Variants in BMPR1B observed in about 807,000 individuals in gnomAD.
BMPR1B encodes the protein bone morphogenetic protein receptor type 1B.
Under a neutral mutation model 59.1 loss-of-function variants are expected in BMPR1B, and 12 were observed. The observed-to-expected ratio is 0.20, with a 90% CI of 0.13 to 0.33. The LOEUF is 0.33. Ranked by LOEUF, BMPR1B falls within the 10% of genes least tolerant of loss-of-function variation. The pLI is 1.00. For missense variants in BMPR1B, 550 were observed against 610.9 expected (o/e 0.90, Z 1.05); for synonymous variants, 237 against 207.3 (o/e 1.14, Z -1.23).
At chr4:95,084,858 G>C (rs752359435) in intron 3 of BMPR1B, among the ~76,000 whole-genome samples, 2 of 152,156 alleles carry the variant, frequency 1.3e-5, no homozygotes, top group Non-Finnish European at 1.5e-5. Context: ...AATCATCACT[G>C]TGCTGGTTTT....
intron 3 of BMPR1B, among the ~76,000 whole-genome samples, chr4:95,068,265 C>A (rs999749507): frequency 6.6e-6 from 1 of 152,152 alleles, no homozygotes; most frequent in African/African-American, 2.4e-5. Context: ...CAGTTCCATC[C>A]TTATAGTTAA....
chr4:94,911,785 G>T (rs1377514556), intron 2 of BMPR1B, among the ~76,000 whole-genome samples: 1 of 152,104 alleles, frequency 6.6e-6, no homozygotes, highest in Non-Finnish European at 1.5e-5. Context: ...AGTAATGGTG[G>T]CTCCCCATGG....
intron 3 of BMPR1B, among the ~76,000 whole-genome samples, chr4:95,078,343 T>C (rs1229839237): frequency 6.6e-6 from 1 of 152,212 alleles, no homozygotes; most frequent in Non-Finnish European, 1.5e-5. Flanking sequence ...TATATGCAGT[T>C]GCAGTGAAAC....
intron 1 of BMPR1B, among the ~76,000 whole-genome samples, chr4:94,857,582 C>T (rs1411526567): frequency 6.6e-6 from 1 of 152,104 alleles, no homozygotes; most frequent in African/African-American, 2.4e-5. Flanking sequence ...ATTTCCCAAG[C>T]TAGAAGCTAA....
In BMPR1B at chr4:94,783,837, C is replaced by A. The variant is rs28712832; in HGVS notation, c.-183+25769C>A. Among the ~76,000 whole-genome samples the A allele has an allele frequency of 7.5e-3, 1,142 of 152,198 alleles. 15 individuals carry two copies. Among genetic ancestry groups the A allele is most frequent in the African/African-American group, 0.026 (1,094 of 41,514 alleles). ...TGGCCATGCTCACCAGGAATGTAGCCGTTGTAGTTTAGAGCTGGGGGGATG... is the reference window on the plus strand; with the variant it reads ...TGGCCATGCTCACCAGGAATGTAGCAGTTGTAGTTTAGAGCTGGGGGGATG... On this transcript the variant is annotated intron_variant, in intron 1 of 12. Transcript: ENST00000515059.
rs1338754653 is a variant in BMPR1B, at chr4:95,157,590, T to C, written c.*2917T>C. The stretch of plus-strand genomic sequence containing the variant: ...TAGATAAGTTTTGTATGCTAAGATA[T>C]TCAGGTTTATAGTTTATGTATGTGT... On this transcript the variant is annotated 3_prime_UTR_variant, in exon 13 of 13. Coordinates refer to ENST00000515059, the MANE Select transcript of BMPR1B (RefSeq NM_001203.3). 1.3e-5 allele frequency: 2 copies of C among 151,612 alleles called. No individual in the cohort carries two copies. Among genetic ancestry groups the C allele is most frequent in the African/African-American group, 4.8e-5 (2 of 41,356 alleles). 9.4% of individuals were successfully genotyped at this position (151,612 alleles called of 1,614,324 possible). A position where few individuals can be genotyped will look rare whatever the true frequency, so the allele number is the denominator to read the frequency against.
intron 2 of BMPR1B, among the ~76,000 whole-genome samples, chr4:94,983,982 A>T (rs1387299809): frequency 6.6e-6 from 1 of 152,238 alleles, no homozygotes; most frequent in Non-Finnish European, 1.5e-5. Flanking sequence ...CATGAGAAGG[A>T]TTAGAACTGC....
chr4:94,957,333 GTTTTTTTTTTTTTTTTT>G (rs56341742), intron 2 of BMPR1B, among the ~76,000 whole-genome samples: 6 of 65,662 alleles, frequency 9.1e-5, no homozygotes, highest in East Asian at 6.0e-4. Context: ...CCTGTTTCGT[GTTTTTTTTTTTTTTTTT>G]TTTTTTTTTT....
intron 1 of BMPR1B, among the ~76,000 whole-genome samples, chr4:94,760,107 C>T (rs957944228): frequency 1.3e-5 from 2 of 152,114 alleles, no homozygotes; most frequent in Admixed American, 6.5e-5. Context: ...TTTAATGGCA[C>T]TGATTTGTGT....
chr4:95,036,924 C>T (rs1344143774), intron 3 of BMPR1B, among the ~76,000 whole-genome samples: 2 of 152,086 alleles, frequency 1.3e-5, no homozygotes, highest in Non-Finnish European at 2.9e-5. Flanking sequence ...ACGTTGTCAA[C>T]CCTAGATCTG....
intron 3 of BMPR1B, among the ~76,000 whole-genome samples, chr4:95,036,157 T>C (rs1175621207): frequency 6.6e-6 from 1 of 152,134 alleles, no homozygotes; most frequent in Non-Finnish European, 1.5e-5. Flanking sequence ...TATTTTGATA[T>C]AGACATACAA....
chr4:95,102,291 C>T (rs757344574), intron 3 of BMPR1B, among the ~76,000 whole-genome samples: 9 of 152,182 alleles, frequency 5.9e-5, no homozygotes, highest in Non-Finnish European at 1.2e-4. Context: ...CTACTTTAGA[C>T]CATTTGGTGT....
chr4:94,768,378 C>CA (rs1223682922), intron 1 of BMPR1B, among the ~76,000 whole-genome samples: 2 of 150,684 alleles, frequency 1.3e-5, no homozygotes, highest in African/African-American at 4.9e-5. Context: ...ACAACAACAA[C>CA]AAAAAACCTC....
At chr4:95,152,883 T>C in intron 12 of BMPR1B, 110 bp downstream of exon 12, 1 of 1,352,862 alleles carries the variant, frequency 7.4e-7, no homozygotes, top group Non-Finnish European at 1.0e-6. Context: ...TTGATGGTGA[T>C]GGTGATGGCG....
At chr4:94,887,854 T>C (rs1294308483) in intron 2 of BMPR1B, among the ~76,000 whole-genome samples, 2 of 151,738 alleles carry the variant, frequency 1.3e-5, no homozygotes, top group Non-Finnish European at 2.9e-5. Flanking sequence ...TCCAAGAAAA[T>C]TTTTCAGAAA....
intron 8 of BMPR1B, 132 bp from the exon 9 acceptor site, chr4:95,129,730 G>A (rs1468224351): frequency 5.1e-6 from 4 of 790,074 alleles, no homozygotes; most frequent in African/African-American, 3.5e-5. Flanking sequence ...ATACAAATAA[G>A]TTGTCTATAT....
intron 11 of BMPR1B, among the ~76,000 whole-genome samples, chr4:95,151,031 A>T (rs1735001393): frequency 1.3e-5 from 2 of 152,208 alleles, no homozygotes; most frequent in Admixed American, 6.5e-5. Flanking sequence ...CTAACACTTT[A>T]TGAAGATATT....
At chr4:94,798,130 A>C (rs1194303750) in intron 1 of BMPR1B, among the ~76,000 whole-genome samples, 3 of 152,358 alleles carry the variant, frequency 2.0e-5, no homozygotes, top group South Asian at 2.1e-4. Context: ...AACTAGGATC[A>C]AATTTAATGA....
At chr4:95,013,165 T>G (rs1723341800) in intron 3 of BMPR1B, among the ~76,000 whole-genome samples, 1 of 152,088 alleles carries the variant, frequency 6.6e-6, no homozygotes, top group Admixed American at 6.6e-5. Flanking sequence ...AGACACAGAT[T>G]TAGTAAATAT....
Sources: allele counts gnomAD v4.1 joint callset (sites outside exome capture counted in the v4.1 genomes callset), GRCh38; gene constraint gnomAD v4.1.1; transcripts MANE v1.5; gene names NCBI Gene and HGNC (gene_info 2026-07-23, HGNC 2026-07-21).